Variants in B3GALT1 observed in about 807,000 individuals in gnomAD.
B3GALT1 encodes UDP-Gal:betaGlcNAc beta 1,3-galactosyltransferase, polypeptide 1.
Under a neutral mutation model 23.2 loss-of-function variants are expected in B3GALT1, and 10 were observed. The observed-to-expected ratio is 0.43, with a 90% confidence interval of 0.27 to 0.73. B3GALT1 has a LOEUF of 0.73. B3GALT1 is among the 30% of genes least tolerant of loss of function. The probability of loss-of-function intolerance (pLI) is 0.21; values close to 1 mark genes in which losing one functional copy is unlikely to be tolerated. For synonymous variants in B3GALT1, 156 were observed against 141.5 expected (o/e 1.10, Z -0.73); for missense variants, 299 against 405.4 (o/e 0.74, Z 2.25).
chr2:167,494,982 A>G (rs1341005648), intron 2 of B3GALT1, among the ~76,000 whole-genome samples: 6 of 152,192 alleles, frequency 3.9e-5, no homozygotes, highest in African/African-American at 1.4e-4. Context: ...TGGGGTAGAC[A>G]ATTTCTGTCT....
At chr2:167,713,719 C>T in intron 3 of B3GALT1, 2 of 1,538,530 alleles carry the variant, frequency 1.3e-6, no homozygotes, top group South Asian at 1.1e-5. Context: ...AATCAACCCT[C>T]AAGGGAACTT....
chr2:167,725,519 A>C (rs1226012005), intron 3 of B3GALT1, among the ~76,000 whole-genome samples: 1 of 152,134 alleles, frequency 6.6e-6, no homozygotes, highest in Non-Finnish European at 1.5e-5. Context: ...GTCTGTTCCT[A>C]AGGTATGTAA....
chr2:167,836,865 C>G (rs1047915793), intron 4 of B3GALT1, among the ~76,000 whole-genome samples: 4 of 152,066 alleles, frequency 2.6e-5, no homozygotes, highest in African/African-American at 9.7e-5. Context: ...AGAGTGGGGG[C>G]CAATATTCAA....
At chr2:167,459,139 T>A (rs1245458006) in intron 1 of B3GALT1, among the ~76,000 whole-genome samples, 2 of 152,166 alleles carry the variant, frequency 1.3e-5, no homozygotes, top group African/African-American at 4.8e-5. Context: ...AGAGAGTTAA[T>A]TCTGTCATTT....
intron 1 of B3GALT1, among the ~76,000 whole-genome samples, chr2:167,324,803 T>TA (rs1488811030): frequency 1.3e-5 from 2 of 152,056 alleles, no homozygotes; most frequent in Non-Finnish European, 2.9e-5. Context: ...CATTAGAACT[T>TA]ACATCTTCCG....
At chr2:167,809,461 T>G (rs768219968) in intron 3 of B3GALT1, among the ~76,000 whole-genome samples, 21 of 152,186 alleles carry the variant, frequency 1.4e-4, no homozygotes, top group Non-Finnish European at 2.4e-4. Flanking sequence ...GATGGGGTTT[T>G]GGTGTGGATG....
chr2:167,319,928 T>C (rs963492719), intron 1 of B3GALT1, among the ~76,000 whole-genome samples: 2 of 152,058 alleles, frequency 1.3e-5, no homozygotes, highest in African/African-American at 4.8e-5. Context: ...GACTTGGTTA[T>C]TACTTACATA....
chr2:167,475,540 G>A (rs1340413055), intron 1 of B3GALT1, among the ~76,000 whole-genome samples: 1 of 151,870 alleles, frequency 6.6e-6, no homozygotes, highest in Non-Finnish European at 1.5e-5. Context: ...GAAGGAAAAA[G>A]AAATTTTTGC....
chr2:167,561,409 A>G (rs1266794775), intron 2 of B3GALT1, among the ~76,000 whole-genome samples: 1 of 152,126 alleles, frequency 6.6e-6, no homozygotes, highest in Non-Finnish European at 1.5e-5. Context: ...GAAAAGCAAG[A>G]GCAAACACAT....
At chr2:167,731,766 C>T (rs1006234862) in intron 3 of B3GALT1, among the ~76,000 whole-genome samples, 2 of 152,100 alleles carry the variant, frequency 1.3e-5, no homozygotes, top group Non-Finnish European at 2.9e-5. Flanking sequence ...CCTGTTCCAC[C>T]GTCTTTTCTG....
chr2:167,825,578 G>T (rs1689204535), intron 4 of B3GALT1, among the ~76,000 whole-genome samples: 1 of 151,556 alleles, frequency 6.6e-6, no homozygotes, highest in Non-Finnish European at 1.5e-5. Flanking sequence ...CAGACTCAGA[G>T]TACACCATAA....
intron 3 of B3GALT1, chr2:167,716,210 G>T: frequency 1.1e-6 from 1 of 929,464 alleles, no homozygotes. Context: ...GGAGGGAGCT[G>T]GGGAATGCGG....
chr2:167,362,270 A>G (rs1351580907), intron 1 of B3GALT1, among the ~76,000 whole-genome samples: 1 of 152,194 alleles, frequency 6.6e-6, no homozygotes, highest in African/African-American at 2.4e-5. Context: ...AGATAGGGTG[A>G]TACATCAAAA....
intron 2 of B3GALT1, among the ~76,000 whole-genome samples, chr2:167,543,262 T>G (rs1683564819): frequency 6.6e-6 from 1 of 152,080 alleles, no homozygotes; most frequent in African/African-American, 2.4e-5. Context: ...GTCAATTTAA[T>G]ATTTGTTTAA....
At chr2:167,577,290 C>T (rs754853614) in intron 2 of B3GALT1, among the ~76,000 whole-genome samples, 2 of 151,792 alleles carry the variant, frequency 1.3e-5, no homozygotes, top group East Asian at 3.9e-4. Flanking sequence ...ACTTGTAAGA[C>T]AGGAAGGCAA....
chr2:167,660,400 G>A (rs1686035696), intron 3 of B3GALT1, among the ~76,000 whole-genome samples: 2 of 152,048 alleles, frequency 1.3e-5, no homozygotes, highest in African/African-American at 4.8e-5. Flanking sequence ...CTTTAATGCA[G>A]TTAAGATAAG....
At chr2:167,564,585 G>C (rs1161995604) in intron 2 of B3GALT1, among the ~76,000 whole-genome samples, 2 of 152,212 alleles carry the variant, frequency 1.3e-5, no homozygotes, top group Admixed American at 6.5e-5. Context: ...CGAGCACCGA[G>C]TGAACGAGAC....
chr2:167,577,073 G>A (rs1684400600), intron 2 of B3GALT1, among the ~76,000 whole-genome samples: 1 of 151,516 alleles, frequency 6.6e-6, no homozygotes, highest in South Asian at 2.1e-4. Context: ...CATACACTAA[G>A]CACTTTCTTC....
intron 1 of B3GALT1, among the ~76,000 whole-genome samples, chr2:167,424,885 C>A (rs1374405989): frequency 6.6e-6 from 1 of 152,140 alleles, no homozygotes; most frequent in South Asian, 2.1e-4. Context: ...TGCCTTGGGG[C>A]GAGCATAGGA....
Sources: allele counts gnomAD v4.1 joint callset (sites outside exome capture counted in the v4.1 genomes callset), GRCh38; gene constraint gnomAD v4.1.1; transcripts MANE v1.5; gene names NCBI Gene and HGNC (gene_info 2026-07-23, HGNC 2026-07-21).